The following TCF4 variants were observed in gnomAD, a reference collection of about 807,000 sequenced individuals.
The protein encoded by TCF4 is SL3-3 enhancer factor 2.
TCF4 carries 3 observed loss-of-function variants against 82.1 expected under a neutral mutation model. The ratio of observed to expected loss-of-function variants is 0.04; its 90% CI spans 0.02 to 0.09. The LOEUF is 0.09. Ranked by LOEUF, TCF4 falls within the 10% of genes least tolerant of loss-of-function variation. The pLI is 1.00. For missense variants in TCF4, 518 were observed against 852.7 expected, an observed-to-expected ratio of 0.61 and a Z score of 4.89; for synonymous variants, 276 against 309.6, an observed-to-expected ratio of 0.89 and a Z score of 1.14.
chr18:55,603,461 TA>T (rs1283310143), intron 2 of TCF4, among the ~76,000 whole-genome samples: 3 of 152,182 alleles, frequency 2.0e-5, no homozygotes, highest in African/African-American at 7.2e-5. Context: ...AGAATTAAGT[TA>T]GGTATTATTA....
At chr18:55,418,649 G>C (rs536774268) in intron 5 of TCF4, among the ~76,000 whole-genome samples, 179 of 152,216 alleles carry the variant, frequency 1.2e-3, no homozygotes, top group South Asian at 2.5e-3. Flanking sequence ...GGGATACTTG[G>C]TGGTTAATTT....
At chr18:55,292,381 T>A (rs1178733968) in intron 8 of TCF4, among the ~76,000 whole-genome samples, 4 of 152,160 alleles carry the variant, frequency 2.6e-5, no homozygotes, top group Admixed American at 6.5e-5. Context: ...CCCATACAAT[T>A]GCTTAAAATT....
Position 55,257,058 on chromosome 18 carries a change from G to A in TCF4, c.1146+257C>T, listed in dbSNP as rs554744573. Among the ~76,000 whole-genome samples, 9 of 152,214 alleles carry A rather than the reference G, an allele frequency of 5.9e-5. No individual in the cohort carries two copies. In the South Asian group the frequency reaches 1.7e-3, roughly 28 times the overall value. On this transcript the variant is annotated intron_variant, in intron 14 of 19. Coordinates refer to ENST00000354452, the MANE Select transcript of TCF4 (RefSeq NM_001083962.2). ...GGATCTTTCCTAGAGATGGGGAGAA[G>A]GCCATTGCCCTTCCAGGATTTTATC...
chr18:55,294,153 G>C lies in TCF4; in HGVS notation c.550-14497C>G, dbSNP rs530688693. Reference sequence around the variant, plus strand: ...TGGGTGCCTGTAATCCCAGCTACTTGGGGGGCTGAGGCATGAGAATTGCTT... The same window carrying C: ...TGGGTGCCTGTAATCCCAGCTACTTCGGGGGCTGAGGCATGAGAATTGCTT... On this transcript the variant is annotated intron_variant, in intron 8 of 19. Coordinates refer to ENST00000354452, the MANE Select transcript of TCF4 (RefSeq NM_001083962.2). 3.2e-4 allele frequency among the ~76,000 whole-genome samples: 49 copies of C among 151,172 alleles called. No individual in the cohort carries two copies. In the East Asian group the frequency reaches 9.3e-3, roughly 29 times the overall value.
chr18:55,434,716 C>T (rs1405619588), intron 5 of TCF4, among the ~76,000 whole-genome samples: 3 of 150,046 alleles, frequency 2.0e-5, no homozygotes, highest in South Asian at 2.1e-4. Context: ...CGTGAGCCAC[C>T]GTGCCCGGCC....
At chr18:55,455,409 A>T (rs1254941590) in intron 5 of TCF4, among the ~76,000 whole-genome samples, 1 of 151,938 alleles carries the variant, frequency 6.6e-6, no homozygotes, top group Non-Finnish European at 1.5e-5. Context: ...AAATTCCCAA[A>T]GTAAAATCAA....
In TCF4 at chr18:55,524,535, TATTG is replaced by T. The variant is rs1432222975; in HGVS notation, c.146-60402_146-60399del. On this transcript the variant is annotated intron_variant, in intron 3 of 19. Coordinates refer to ENST00000354452, the MANE Select transcript of TCF4 (RefSeq NM_001083962.2). The stretch of plus-strand genomic sequence containing the variant: ...CTTTCATGGTCAAGAAGACCATGAT[TATTG>T]ATTAAGTAATCAATATTGATTAAGT... Among the ~76,000 whole-genome samples the T allele has an allele frequency of 3.3e-5, 5 of 152,338 alleles. No homozygotes were observed. The South Asian group carries it at 1.0e-3, about 32-fold the overall frequency.
At chr18:55,451,376 T>C (rs1383546236) in intron 5 of TCF4, among the ~76,000 whole-genome samples, 1 of 152,162 alleles carries the variant, frequency 6.6e-6, no homozygotes, top group Non-Finnish European at 1.5e-5. Flanking sequence ...TGTCCTCACC[T>C]GGGAAACCAG....
chr18:55,527,060 A>G (rs1355100154), intron 3 of TCF4, among the ~76,000 whole-genome samples: 1 of 152,186 alleles, frequency 6.6e-6, no homozygotes, highest in Non-Finnish European at 1.5e-5. Context: ...CACCACTTAG[A>G]CAAGTGTTCC....
At chr18:55,357,498 A>T (rs1256660611) in intron 6 of TCF4, among the ~76,000 whole-genome samples, 1 of 152,218 alleles carries the variant, frequency 6.6e-6, no homozygotes, top group Non-Finnish European at 1.5e-5. Context: ...CAAAGTAAAA[A>T]TAGAACAATT....
chr18:55,260,548 G>A lies in TCF4; in HGVS notation c.991-521C>T, dbSNP rs543998967. Among the ~76,000 whole-genome samples, 393 of 152,194 alleles carry A rather than the reference G, an allele frequency of 2.6e-3. 2 individuals are homozygous for A. Among genetic ancestry groups the A allele is most frequent in the South Asian group, 3.9e-3 (19 of 4,828 alleles). On this transcript the variant is annotated intron_variant, in intron 12 of 19. Coordinates refer to ENST00000354452, the MANE Select transcript of TCF4 (RefSeq NM_001083962.2). ...CTGAAGAGACAAAATCTTAGAGAAA[G>A]AAATCTCCACTTACATTTATTTATT...
chr18:55,318,550 TGAG>T (rs2074713773), intron 8 of TCF4, among the ~76,000 whole-genome samples: 1 of 152,174 alleles, frequency 6.6e-6, no homozygotes, highest in Admixed American at 6.5e-5. Context: ...AACTCTCACC[TGAG>T]GAGAAACTGA....
At chr18:55,495,960 G>A (rs1353765889) in intron 3 of TCF4, 1 of 152,138 alleles carries the variant, frequency 6.6e-6, no homozygotes, top group Non-Finnish European at 1.5e-5. Context: ...TCATTTCCAA[G>A]AGTCGTCTGA....
intron 3 of TCF4, among the ~76,000 whole-genome samples, chr18:55,521,022 T>C (rs1437376303): frequency 6.6e-6 from 1 of 152,156 alleles, no homozygotes; most frequent in Non-Finnish European, 1.5e-5. Flanking sequence ...TTCTGCACTA[T>C]GTCTTTGTGA....
intron 3 of TCF4, among the ~76,000 whole-genome samples, chr18:55,517,692 G>A (rs1201945399): frequency 2.0e-5 from 3 of 152,144 alleles, no homozygotes; most frequent in Non-Finnish European, 4.4e-5. Flanking sequence ...AAATGAGATG[G>A]GAAGGCTGAG....
At chr18:55,603,117 G>A (rs1242985932) in intron 2 of TCF4, among the ~76,000 whole-genome samples, 3 of 152,144 alleles carry the variant, frequency 2.0e-5, no homozygotes, top group East Asian at 3.9e-4. Context: ...TCTTAACCTT[G>A]GCACTATTGA....
intron 5 of TCF4, among the ~76,000 whole-genome samples, chr18:55,448,447 G>A (rs1033362182): frequency 2.6e-5 from 4 of 152,118 alleles, no homozygotes; most frequent in East Asian, 1.9e-4. Context: ...TCCATTGTAC[G>A]TTGCCTGACT....
chr18:55,619,482 A>T (rs1381919652), intron 2 of TCF4, among the ~76,000 whole-genome samples: 1 of 152,088 alleles, frequency 6.6e-6, no homozygotes, highest in Non-Finnish European at 1.5e-5. Flanking sequence ...CAAGTTCATA[A>T]ATCTTTTCTT....
intron 3 of TCF4, among the ~76,000 whole-genome samples, chr18:55,481,283 G>A (rs920422770): frequency 6.6e-6 from 1 of 152,112 alleles, no homozygotes; most frequent in Non-Finnish European, 1.5e-5. Context: ...TTACACCATG[G>A]AAATTGGCAA....
Sources: allele counts gnomAD v4.1 joint callset (sites outside exome capture counted in the v4.1 genomes callset), GRCh38; gene constraint gnomAD v4.1.1; transcripts MANE v1.5; gene names NCBI Gene and HGNC (gene_info 2026-07-23, HGNC 2026-07-21).